The following PIAS1 variants were observed in gnomAD, a reference collection of about 807,000 sequenced individuals.
PIAS1 encodes the protein E3 SUMO-protein ligase PIAS1.
Under a neutral mutation model 71.3 loss-of-function variants are expected in PIAS1, and 6 were observed. The observed-to-expected ratio is 0.08, with a 90% confidence interval of 0.05 to 0.17. The LOEUF is 0.17. PIAS1 is among the 10% of genes least tolerant of loss of function. The pLI, the probability that PIAS1 is intolerant of heterozygous loss-of-function variation, is 1.00. For synonymous variants in PIAS1, 303 were observed against 292.9 expected (o/e 1.03, Z -0.35); for missense variants, 555 against 793.6 (o/e 0.70, Z 3.61).
At chr15:68,138,120 A>G (rs1371465833) in intron 2 of PIAS1, among the ~76,000 whole-genome samples, 2 of 152,204 alleles carry the variant, frequency 1.3e-5, no homozygotes, top group African/African-American at 4.8e-5. Context: ...ACTGCACTCT[A>G]GCGTGGGAAC....
chr15:68,086,205 C>A lies in PIAS1; in HGVS notation c.25-101C>A. 1.3e-6 allele frequency: 1 copy of A among 796,680 alleles called. No homozygotes were observed. Among genetic ancestry groups the A allele is most frequent in the Non-Finnish European group, 1.9e-6 (1 of 515,108 alleles). The allele number at this position is 796,680 out of a possible 1,614,324, so 49.4% of individuals were successfully genotyped here. On this transcript the variant is annotated intron_variant, in intron 1 of 13. Coordinates refer to ENST00000249636, the MANE Select transcript of PIAS1 (RefSeq NM_016166.3). The surrounding 1 kb of genome is among the most constrained non-coding windows in gnomAD (Gnocchi z 7.2). ...TTATAAGTGAGCTGGCCTTTATTTGCTTAAGTAAACCATAAGAAGGGGGTT... is the reference window on the plus strand; with the variant it reads ...TTATAAGTGAGCTGGCCTTTATTTGATTAAGTAAACCATAAGAAGGGGGTT...
intron 2 of PIAS1, among the ~76,000 whole-genome samples, chr15:68,121,330 T>G (rs958521033): frequency 1.1e-4 from 16 of 151,966 alleles, no homozygotes; most frequent in African/African-American, 3.9e-4. Context: ...CTGCTTGCAT[T>G]ATTTTTGACA....
intron 1 of PIAS1, among the ~76,000 whole-genome samples, chr15:68,084,319 G>A (rs2140980011): frequency 6.6e-6 from 1 of 152,112 alleles, no homozygotes. Context: ...AATCCTTGAA[G>A]TTTCATGTTA....
chr15:68,176,392 A>C (rs2093020283), intron 10 of PIAS1, 82 bp from the exon 11 acceptor site: 1 of 852,260 alleles, frequency 1.2e-6, no homozygotes, highest in Non-Finnish European at 1.7e-6. Context: ...TCTAAACTGT[A>C]ACTGATAAAC....
At position 68,181,064 on chromosome 15, in the gene PIAS1, A is replaced by G. The variant is rs776873362; in HGVS notation, c.1482-148A>G. The stretch of plus-strand genomic sequence containing the variant: ...ACAAATTATTTTCTCATAATTGTGT[A>G]TAATCTAAATTATACATTGCTTTGC... On this transcript the variant is annotated intron_variant, in intron 11 of 13. Coordinates refer to ENST00000249636, the MANE Select transcript of PIAS1 (RefSeq NM_016166.3). 3.0e-4 allele frequency: 190 copies of G among 628,178 alleles called. 4 individuals carry two copies. Among genetic ancestry groups the G allele is most frequent in the Non-Finnish European group, 7.0e-5 (25 of 356,954 alleles). 38.9% of individuals were successfully genotyped at this position (628,178 alleles called of 1,614,324 possible). A position where few individuals can be genotyped will look rare whatever the true frequency, so the allele number is the denominator to read the frequency against.
Position 68,133,465 on chromosome 15 carries a change from A to G in PIAS1, c.470-8481A>G, listed in dbSNP as rs150165303. Among the ~76,000 whole-genome samples, 491 of 152,258 alleles carry G rather than the reference A, an allele frequency of 3.2e-3. 2 individuals carry two copies. Among genetic ancestry groups the G allele is most frequent in the African/African-American group, 0.011 (473 of 41,566 alleles). ...AAAATGGATAGAGAAAAACCTAACTATAAGATAATGAAACAGTGAAGCTAT... is the reference window on the plus strand; with the variant it reads ...AAAATGGATAGAGAAAAACCTAACTGTAAGATAATGAAACAGTGAAGCTAT... On this transcript the variant is annotated intron_variant, in intron 2 of 13. Transcript: ENST00000249636.
At chr15:68,114,125 A>C (rs1214723947) in intron 2 of PIAS1, among the ~76,000 whole-genome samples, 3 of 152,088 alleles carry the variant, frequency 2.0e-5, no homozygotes, top group Non-Finnish European at 4.4e-5. Flanking sequence ...TATAAAAACA[A>C]TACATATGCT....
At chr15:68,099,823 A>T (rs915074732) in intron 2 of PIAS1, among the ~76,000 whole-genome samples, 4 of 151,862 alleles carry the variant, frequency 2.6e-5, no homozygotes, top group African/African-American at 9.7e-5. Context: ...TAGATGTTTA[A>T]GTATGTATGT....
chr15:68,184,064 C>T (rs2093072447), intron 13 of PIAS1: 1 of 155,108 alleles, frequency 6.4e-6, no homozygotes, highest in East Asian at 1.9e-4. Context: ...CAGCCTCATA[C>T]ATCCCAGTTT....
chr15:68,120,342 T>A (rs1300105609), intron 2 of PIAS1, among the ~76,000 whole-genome samples: 1 of 152,210 alleles, frequency 6.6e-6, no homozygotes, highest in Non-Finnish European at 1.5e-5. Flanking sequence ...TTGATATGGT[T>A]GCTTTTAAAT....
Position 68,124,016 on chromosome 15 carries a change from A to G in PIAS1, c.470-17930A>G, listed in dbSNP as rs1319566027. Among the ~76,000 whole-genome samples, 4 of 152,350 alleles carry G rather than the reference A, an allele frequency of 2.6e-5. No individual in the cohort carries two copies. The South Asian group carries it at 6.2e-4, about 24-fold the overall frequency. ...CACACACGTATACATATATGTACAC[A>G]TACGTGTGTACATATGTATACACAT... On this transcript the variant is annotated intron_variant, in intron 2 of 13. Coordinates refer to ENST00000249636, the MANE Select transcript of PIAS1 (RefSeq NM_016166.3).
At chr15:68,071,371 A>G (rs529754053) in intron 1 of PIAS1, among the ~76,000 whole-genome samples, 7 of 147,682 alleles carry the variant, frequency 4.7e-5, no homozygotes, top group Non-Finnish European at 7.5e-5. Flanking sequence ...GCATGCCACC[A>G]TGCCTGGCTA....
Position 68,191,523 on chromosome 15 carries a change from G to C in PIAS1, c.*3688G>C, listed in dbSNP as rs762883862. The C allele has an allele frequency of 5.2e-5, 8 of 152,656 alleles. No homozygotes were observed. Among genetic ancestry groups the C allele is most frequent in the Non-Finnish European group, 1.0e-4 (7 of 68,040 alleles). 9.5% of individuals were successfully genotyped at this position (152,656 alleles called of 1,614,324 possible). A position where few individuals can be genotyped will look rare whatever the true frequency, so the allele number is the denominator to read the frequency against. ...CAAGGGGACAATCCCTATGAGACAA[G>C]TGATAATGGTTTGTGCTTCCAAAGC... On this transcript the variant is annotated 3_prime_UTR_variant, in exon 14 of 14. Coordinates refer to ENST00000249636, the MANE Select transcript of PIAS1 (RefSeq NM_016166.3).
intron 2 of PIAS1, among the ~76,000 whole-genome samples, chr15:68,108,639 C>T (rs2092494034): frequency 6.6e-6 from 1 of 152,172 alleles, no homozygotes; most frequent in African/African-American, 2.4e-5. Context: ...CTATCTCACA[C>T]TTAACCTGTC....
At chr15:68,057,988 A>G (rs2091914764) in intron 1 of PIAS1, among the ~76,000 whole-genome samples, 1 of 152,202 alleles carries the variant, frequency 6.6e-6, no homozygotes, top group Non-Finnish European at 1.5e-5. Context: ...TCCATAGCTG[A>G]TTAACCTTGG....
chr15:68,099,623 T>G (rs180999752), intron 2 of PIAS1, among the ~76,000 whole-genome samples: 1 of 151,994 alleles, frequency 6.6e-6, no homozygotes, highest in East Asian at 1.9e-4. Flanking sequence ...TCCAAATACA[T>G]GCCCAGGAAT....
chr15:68,145,335 G>A (rs1370103071), intron 4 of PIAS1, among the ~76,000 whole-genome samples: 2 of 152,122 alleles, frequency 1.3e-5, no homozygotes, highest in African/African-American at 4.8e-5. Context: ...CCAGAAAAGT[G>A]TTTCATAGGC....
At chr15:68,127,906 G>C (rs2092662706) in intron 2 of PIAS1, among the ~76,000 whole-genome samples, 1 of 152,086 alleles carries the variant, frequency 6.6e-6, no homozygotes, top group Admixed American at 6.6e-5. Context: ...AGGATTACAG[G>C]TGCACGCCAC....
In PIAS1 at chr15:68,054,380, A is replaced by G. The variant is rs1343632899; in HGVS notation, c.24+30A>G. The G allele has an allele frequency of 1.3e-6, 2 of 1,559,406 alleles. No homozygotes were observed. Among genetic ancestry groups the G allele is most frequent in the Middle Eastern group, 1.7e-4 (1 of 5,992 alleles). ...AGCGCAGCTCGAATTCACTTCTAAT[A>G]TTCGGCCGCGGAGACGGCGCCGCTG... On this transcript the variant is annotated intron_variant, in intron 1 of 13. Coordinates refer to ENST00000249636, the MANE Select transcript of PIAS1 (RefSeq NM_016166.3). This position sits in a 1 kb window ranked among gnomAD's most constrained non-coding sequence, Gnocchi z 4.6.
Sources: gnomAD v4.1 joint callset for allele counts (sites outside exome capture counted in the v4.1 genomes callset) on GRCh38, gnomAD v4.1.1 for gene constraint, Gnocchi (gnomAD v3.1) non-coding constraint, MANE v1.5 for transcripts, NCBI Gene and HGNC (gene_info 2026-07-23, HGNC 2026-07-21) for gene names.